IQGAP3: variants seen among roughly 807,000 people sequenced by gnomAD.
IQGAP3 encodes ras GTPase-activating-like protein IQGAP3.
Under a neutral mutation model 208.2 loss-of-function variants are expected in IQGAP3, and 165 were observed. The ratio of observed to expected loss-of-function variants is 0.79; its 90% confidence interval spans 0.70 to 0.90. IQGAP3 has a LOEUF of 0.90. Among genes scored for constraint, IQGAP3 ranks in the 40% least tolerant of loss-of-function variants. The pLI is 0.00. For synonymous variants in IQGAP3, 703 were observed against 803.6 expected, an observed-to-expected ratio of 0.87 and a Z score of 2.12; for missense variants, 1,811 against 2,043.1, an observed-to-expected ratio of 0.89 and a Z score of 2.19.
chr1:156,567,346 G>C (rs1676455393), intron 2 of IQGAP3, among the ~76,000 whole-genome samples: 1 of 152,170 alleles, frequency 6.6e-6, no homozygotes, highest in African/African-American at 2.4e-5. Flanking sequence ...AGCACAAAGG[G>C]ACAGAACGAC....
At chr1:156,526,981 T>C (rs1038119123) in intron 37 of IQGAP3, among the ~76,000 whole-genome samples, 2 of 151,578 alleles carry the variant, frequency 1.3e-5, no homozygotes, top group Admixed American at 1.3e-4. Context: ...TACAGGCAGG[T>C]GCCACCACGC....
chr1:156,541,356 C>T (rs1489613727), intron 22 of IQGAP3, among the ~76,000 whole-genome samples: 1 of 152,002 alleles, frequency 6.6e-6, no homozygotes, highest in Admixed American at 6.6e-5. Flanking sequence ...CAGTGCTCCT[C>T]TGTCAGGAAT....
intron 4 of IQGAP3, among the ~76,000 whole-genome samples, chr1:156,564,999 C>A (rs1418823554): frequency 6.6e-6 from 1 of 152,132 alleles, no homozygotes; most frequent in Non-Finnish European, 1.5e-5. Context: ...AAAACAATAA[C>A]AGCAACAACA....
Position 156,539,864 on chromosome 1 carries a change from A to G in IQGAP3, c.2866T>C (p.Tyr956His), listed in dbSNP as rs1464716211. The change falls in exon 24 of 38, where the codon TAC becomes CAC. Residue 956 changes from tyrosine (Y) to histidine (H), a missense_variant. Coordinates refer to ENST00000361170, the MANE Select transcript of IQGAP3 (RefSeq NM_178229.5). ...TGGAGCAGGTAGAAGAGGTGTTGGT[A>G]TGCTTCTAGTTTCTGCCGTTTCTCT... Reference protein sequence around the residue: ...SKEKRQKLEAYQHLFYLLQTQ... With the variant: ...SKEKRQKLEAHQHLFYLLQTQ... 1 of 1,614,046 alleles carries G rather than the reference A, an allele frequency of 6.2e-7. No homozygotes were observed. Among genetic ancestry groups the G allele is most frequent in the Non-Finnish European group, 8.5e-7 (1 of 1,180,036 alleles).
chr1:156,539,092 C>A, intron 25 of IQGAP3, 59 bp from the exon 26 acceptor site: 1 of 1,482,620 alleles, frequency 6.7e-7, no homozygotes, highest in Non-Finnish European at 9.3e-7. Context: ...CATACCGTTG[C>A]TTTTCCTTTT....
At chr1:156,537,534 A>G (rs1674749994) in intron 26 of IQGAP3, among the ~76,000 whole-genome samples, 1 of 152,210 alleles carries the variant, frequency 6.6e-6, no homozygotes, top group Non-Finnish European at 1.5e-5. Context: ...TCTACAGGGA[A>G]GCTGGAAGAA....
In IQGAP3 at chr1:156,534,388, T is replaced by G. The variant is rs1003009934; in HGVS notation, c.3740+113A>C. 3 of 944,040 alleles carry G rather than the reference T, an allele frequency of 3.2e-6. No homozygotes were observed. The Admixed American group carries it at 8.3e-5, about 26-fold the overall frequency. 58.5% of individuals were successfully genotyped at this position (944,040 alleles called of 1,614,324 possible). ...AACCTATCCTCCACCCCGCTCATTA[T>G]GCTCATCCCTTCTATTTATGCCTCT... On this transcript the variant is annotated intron_variant, in intron 29 of 37. Coordinates refer to ENST00000361170, the MANE Select transcript of IQGAP3 (RefSeq NM_178229.5).
chr1:156,544,056 A>C lies in IQGAP3; in HGVS notation c.2461-6T>G. ...ATCTTCACAATGGAGTTAACCTGCC[A>C]CAAACACAGATTGGAAAAGGGTTGC... On this transcript the variant is annotated splice_region_variant and splice_polypyrimidine_tract_variant and intron_variant, in intron 21 of 37. Transcript: ENST00000361170. 7.4e-6 allele frequency: 12 copies of C among 1,614,188 alleles called. No homozygotes were observed. Among genetic ancestry groups the C allele is most frequent in the Non-Finnish European group, 1.0e-5 (12 of 1,180,012 alleles).
chr1:156,556,155 G>A (rs909227095), intron 12 of IQGAP3, among the ~76,000 whole-genome samples: 1 of 152,208 alleles, frequency 6.6e-6, no homozygotes, highest in African/African-American at 2.4e-5. Context: ...TTCACTGTCA[G>A]AGAAGAACTA....
Position 156,566,027 on chromosome 1 carries a change from C to T in IQGAP3, c.360G>A (p.Ser120=), listed in dbSNP as rs776337176. The change falls in exon 4 of 38, where the codon TCG becomes TCA. Residue 120 remains serine (S), a splice_region_variant and synonymous_variant. Transcript: ENST00000361170. ...LSAIAHIGLP[S]TFFPETTDIY... Reference sequence around the variant, plus strand: ...TACCAATCTTCAGGCCCAGTATTACCGAAGGCAGACCGATGTGGGCTATTG... The same window carrying T: ...TACCAATCTTCAGGCCCAGTATTACTGAAGGCAGACCGATGTGGGCTATTG... 29 of 1,611,400 alleles carry T rather than the reference C, an allele frequency of 1.8e-5. No individual in the cohort carries two copies. In the East Asian group the frequency reaches 2.2e-4, roughly 12 times the overall value.
intron 28 of IQGAP3, 134 bp from the exon 29 acceptor site, chr1:156,534,867 A>T (rs1407031814): frequency 1.4e-6 from 1 of 696,102 alleles, no homozygotes; most frequent in Non-Finnish European, 2.4e-6. Flanking sequence ...GGCCCAGAGC[A>T]GGCAGACAAC....
chr1:156,571,369 T>A (rs1676635792), intron 1 of IQGAP3, among the ~76,000 whole-genome samples: 1 of 151,568 alleles, frequency 6.6e-6, no homozygotes, highest in African/African-American at 2.4e-5. Context: ...CATTCCCGGT[T>A]GTTATCCTAT....
chr1:156,539,774 G>C, intron 24 of IQGAP3, 64 bp downstream of exon 24: 1 of 1,567,038 alleles, frequency 6.4e-7, no homozygotes, highest in Non-Finnish European at 8.8e-7. Context: ...CAGACAAGAA[G>C]GCCTTGAAGT....
At chr1:156,529,696 G>A (rs527937640) in intron 34 of IQGAP3, among the ~76,000 whole-genome samples, 1 of 152,050 alleles carries the variant, frequency 6.6e-6, no homozygotes, top group East Asian at 1.9e-4. Flanking sequence ...CAAGATGGGC[G>A]GACCCTGAGG....
chr1:156,526,597 A>C lies in IQGAP3; in HGVS notation c.4785T>G (p.Asp1595Glu). ...CACCCTCATACTGGAGCTGCAGGAGATCCTAGGAGGGAAGAGGCAGGGAGG... is the reference window on the plus strand; with the variant it reads ...CACCCTCATACTGGAGCTGCAGGAGCTCCTAGGAGGGAAGAGGCAGGGAGG... ...DMERFQLHYQ[D>E]LLQLQYEGVA... is the part of the protein sequence containing the mutation. The change falls in exon 38 of 38, where the codon GAT (aspartate) becomes GAG (glutamate). Residue 1595 changes from aspartate (D) to glutamate (E), a missense_variant and splice_region_variant. Asp to Glu is a conservative substitution (Grantham distance 45). Coordinates refer to ENST00000361170, the MANE Select transcript of IQGAP3 (RefSeq NM_178229.5). 6.2e-7 allele frequency: 1 copy of C among 1,610,972 alleles called. No homozygotes were observed. The highest frequency in any genetic ancestry group is 1.1e-5 in the South Asian group (1 of 91,024).
intron 22 of IQGAP3, 91 bp from the exon 23 acceptor site, chr1:156,541,007 C>T (rs1020063342): frequency 7.6e-6 from 8 of 1,056,662 alleles, no homozygotes; most frequent in East Asian, 7.3e-5. Context: ...CCCCAGTCCC[C>T]GTTCTGCTTG....
chr1:156,533,770 T>C lies in IQGAP3; in HGVS notation c.3976+3A>G, dbSNP rs1239422937. The stretch of plus-strand genomic sequence containing the variant: ...GGCCTCAGCTGCTAAGGAGGGCACG[T>C]ACCAATAAGGTCAGGGATGGTGGGC... On this transcript the variant is annotated splice_donor_region_variant and intron_variant, in intron 31 of 37. Transcript: ENST00000361170. The C allele has an allele frequency of 6.2e-7, 1 of 1,612,632 alleles. No individual in the cohort carries two copies.
At chr1:156,548,287 G>A in intron 18 of IQGAP3, 44 bp from the exon 19 acceptor site, 2 of 1,608,190 alleles carry the variant, frequency 1.2e-6, no homozygotes, top group African/African-American at 1.3e-5. Flanking sequence ...TGGGGAGTGG[G>A]AGCCTCTTCT....
intron 16 of IQGAP3, among the ~76,000 whole-genome samples, 172 bp from the exon 17 acceptor site, chr1:156,548,920 CA>C (rs1415634152): frequency 3.3e-5 from 5 of 152,218 alleles, no homozygotes; most frequent in African/African-American, 1.2e-4. Flanking sequence ...AAAGCAGCAG[CA>C]TGCAACTGTG....
Sources: gnomAD v4.1 joint callset for allele counts (sites outside exome capture counted in the v4.1 genomes callset) on GRCh38, gnomAD v4.1.1 for gene constraint, MANE v1.5 for transcripts, NCBI Gene and HGNC (gene_info 2026-07-23, HGNC 2026-07-21) for gene names.